The following KCNQ5 variants were observed in gnomAD, a reference collection of about 807,000 sequenced individuals.
KCNQ5 encodes potassium voltage-gated channel subfamily KQT member 5.
A neutral mutation model predicts 98.2 loss-of-function variants in KCNQ5; 30 were observed. That is an observed-to-expected ratio of 0.31 (90% CI 0.23 to 0.41). The LOEUF (loss-of-function observed/expected upper bound fraction) is 0.41. Among genes scored for constraint, KCNQ5 ranks in the 10% least tolerant of loss-of-function variants. The probability of loss-of-function intolerance (pLI) is 1.00; values close to 1 mark genes in which losing one functional copy is unlikely to be tolerated. For synonymous variants in KCNQ5, 458 were observed against 449.4 expected (o/e 1.02, Z -0.24); for missense variants, 835 against 1,182.5 (o/e 0.71, Z 4.31).
At chr6:72,735,649 C>T (rs6922837) in intron 1 of KCNQ5, among the ~76,000 whole-genome samples, 56,611 of 151,748 alleles carry the variant, frequency 0.37, 14,010 homozygotes, top group African/African-American at 0.67. Flanking sequence ...TCAAGCACAA[C>T]ACAACTTGTC....
intron 1 of KCNQ5, among the ~76,000 whole-genome samples, chr6:72,664,753 G>A (rs1324565313): frequency 6.6e-6 from 1 of 152,150 alleles, no homozygotes; most frequent in Non-Finnish European, 1.5e-5. Flanking sequence ...TGAAATGACA[G>A]TTTGAGAAAG....
At chr6:73,003,528 G>A (rs754782506) in intron 1 of KCNQ5, among the ~76,000 whole-genome samples, 26 of 152,058 alleles carry the variant, frequency 1.7e-4, no homozygotes, top group Non-Finnish European at 7.4e-5. Context: ...TCCTTTGAAC[G>A]AAGAGTGACT....
At chr6:73,010,548 A>G (rs1452954696) in intron 2 of KCNQ5, among the ~76,000 whole-genome samples, 1 of 151,960 alleles carries the variant, frequency 6.6e-6, no homozygotes, top group African/African-American at 2.4e-5. Context: ...CTATTAAATA[A>G]AAGAAACAAA....
At chr6:73,051,688 A>T (rs1772241917) in intron 3 of KCNQ5, among the ~76,000 whole-genome samples, 1 of 130,172 alleles carries the variant, frequency 7.7e-6, no homozygotes, top group East Asian at 2.3e-4. Flanking sequence ...CTTCCAGGGC[A>T]TCAAAGAAGA....
chr6:73,128,266 A>G (rs1480990800), intron 9 of KCNQ5, among the ~76,000 whole-genome samples: 1 of 152,096 alleles, frequency 6.6e-6, no homozygotes, highest in Non-Finnish European at 1.5e-5. Flanking sequence ...TCATTTAATC[A>G]CTCATTTCTT....
At chr6:72,633,958 T>A (rs1347084227) in intron 1 of KCNQ5, among the ~76,000 whole-genome samples, 1 of 152,204 alleles carries the variant, frequency 6.6e-6, no homozygotes, top group Non-Finnish European at 1.5e-5. Flanking sequence ...GAAATAGTTT[T>A]CTCAACATCA....
At chr6:72,988,659 T>TC (rs1183668593) in intron 1 of KCNQ5, among the ~76,000 whole-genome samples, 22 of 149,894 alleles carry the variant, frequency 1.5e-4, no homozygotes, top group Admixed American at 4.7e-4. Flanking sequence ...CTTTTTTTTT[T>TC]TTTTTTTTAT....
chr6:72,840,404 C>T (rs1289080556), intron 1 of KCNQ5, among the ~76,000 whole-genome samples: 5 of 152,264 alleles, frequency 3.3e-5, no homozygotes, highest in South Asian at 4.1e-4. Flanking sequence ...GAGACTTGAG[C>T]GGAATTTATA....
At chr6:72,841,309 T>C (rs542104030) in intron 1 of KCNQ5, among the ~76,000 whole-genome samples, 12 of 152,316 alleles carry the variant, frequency 7.9e-5, no homozygotes, top group African/African-American at 2.9e-4. Flanking sequence ...CAAAAACTTC[T>C]ACCTAGCTTG....
intron 1 of KCNQ5, among the ~76,000 whole-genome samples, chr6:72,930,589 A>AAAC (rs1258699044): frequency 6.6e-6 from 1 of 151,670 alleles, no homozygotes; most frequent in East Asian, 1.9e-4. Context: ...CAAAAAAAAA[A>AAAC]AAAAAAAAAA....
chr6:72,683,928 G>T (rs550848719), intron 1 of KCNQ5, among the ~76,000 whole-genome samples: 15 of 152,138 alleles, frequency 9.9e-5, no homozygotes, highest in Non-Finnish European at 1.8e-4. Context: ...CTGTCCTCAT[G>T]GAAAGTCTTA....
At position 72,622,173 on chromosome 6, in the gene KCNQ5, G is replaced by C; in HGVS notation, c.-17G>C. 8.2e-7 allele frequency: 1 copy of C among 1,219,886 alleles called. No homozygotes were observed. Among genetic ancestry groups the C allele is most frequent in the South Asian group, 4.1e-5 (1 of 24,282 alleles). 75.6% of individuals were successfully genotyped at this position (1,219,886 alleles called of 1,614,324 possible). ...CGCAGGCGCTGGCGGCCCCCTCGCGGTGCCCGTGGTGATGCCATGCCCCGC... is the reference window on the plus strand; with the variant it reads ...CGCAGGCGCTGGCGGCCCCCTCGCGCTGCCCGTGGTGATGCCATGCCCCGC... On this transcript the variant is annotated 5_prime_UTR_variant, in exon 1 of 14. Transcript: ENST00000370398. The surrounding 1 kb of genome is among the most constrained non-coding windows in gnomAD (Gnocchi z 6.0).
At chr6:73,104,961 G>A (rs546909817) in intron 5 of KCNQ5, among the ~76,000 whole-genome samples, 106 of 152,230 alleles carry the variant, frequency 7.0e-4, no homozygotes, top group Non-Finnish European at 2.1e-4. Flanking sequence ...AATCCATGGT[G>A]CTATCATTTC....
At chr6:73,132,355 A>T (rs1412094011) in intron 9 of KCNQ5, among the ~76,000 whole-genome samples, 1 of 152,134 alleles carries the variant, frequency 6.6e-6, no homozygotes, top group Non-Finnish European at 1.5e-5. Flanking sequence ...TGATGACAGT[A>T]TCACCTTCTA....
chr6:72,693,545 A>G (rs1768322106), intron 1 of KCNQ5, among the ~76,000 whole-genome samples: 1 of 152,170 alleles, frequency 6.6e-6, no homozygotes, highest in East Asian at 1.9e-4. Flanking sequence ...TCTGGAGGAA[A>G]AAAAGGGTAA....
intron 5 of KCNQ5, among the ~76,000 whole-genome samples, chr6:73,094,865 G>A (rs1774414682): frequency 6.6e-6 from 1 of 152,054 alleles, no homozygotes; most frequent in Non-Finnish European, 1.5e-5. Flanking sequence ...TCTTTCCTTT[G>A]TCTTAACTTT....
intron 2 of KCNQ5, among the ~76,000 whole-genome samples, chr6:73,025,559 G>T (rs978658252): frequency 6.8e-6 from 1 of 147,686 alleles, no homozygotes; most frequent in African/African-American, 2.5e-5. Context: ...GGAGGCAAAG[G>T]TTGCAGTGAG....
chr6:73,123,055 A>G (rs1015171555), intron 8 of KCNQ5, among the ~76,000 whole-genome samples: 14 of 152,172 alleles, frequency 9.2e-5, no homozygotes, highest in African/African-American at 3.4e-4. Flanking sequence ...TATGCATTCA[A>G]CAATTACTCA....
chr6:72,968,035 C>T (rs1767702730), intron 1 of KCNQ5, among the ~76,000 whole-genome samples: 1 of 152,314 alleles, frequency 6.6e-6, no homozygotes, highest in Non-Finnish European at 1.5e-5. Flanking sequence ...GCGACCCCAA[C>T]ACAACCAAGT....
Sources: allele counts gnomAD v4.1 joint callset (sites outside exome capture counted in the v4.1 genomes callset), GRCh38; gene constraint gnomAD v4.1.1; non-coding constraint Gnocchi (gnomAD v3.1); transcripts MANE v1.5; gene names NCBI Gene and HGNC (gene_info 2026-07-23, HGNC 2026-07-21).